PCDHA3: variants seen among roughly 807,000 people sequenced by gnomAD.
The protein encoded by PCDHA3 is protocadherin alpha 3.
In PCDHA3, 41 loss-of-function variants were observed where a neutral mutation model predicts 62.2. The observed-to-expected ratio is 0.66, with a 90% CI of 0.51 to 0.86. The LOEUF (loss-of-function observed/expected upper bound fraction) is 0.86. Among genes scored for constraint, PCDHA3 ranks in the 40% least tolerant of loss-of-function variants. PCDHA3 has a pLI of 0.00. For synonymous variants in PCDHA3, 640 were observed against 555.4 expected (o/e 1.15, Z -2.14); for missense variants, 1,304 against 1,241.2 (o/e 1.05, Z -0.76).
chr5:140,914,783 A>G (rs1445627539), intron 1 of PCDHA3, among the ~76,000 whole-genome samples: 1 of 151,972 alleles, frequency 6.6e-6, no homozygotes, highest in Admixed American at 6.6e-5. Context: ...TTATCTTATG[A>G]CCCATTATTT....
intron 1 of PCDHA3, chr5:140,850,375 A>AT (rs2041561857): frequency 6.3e-7 from 1 of 1,597,746 alleles, no homozygotes; most frequent in Non-Finnish European, 8.6e-7. Context: ...GTGGGGCTGT[A>AT]CACGGGCGAG....
chr5:140,906,120 A>C (rs1554192404), intron 1 of PCDHA3, among the ~76,000 whole-genome samples: 1 of 152,134 alleles, frequency 6.6e-6, no homozygotes, highest in East Asian at 1.9e-4. Flanking sequence ...CCACTGACAC[A>C]AATGTTAGTC....
intron 1 of PCDHA3, chr5:140,830,378 G>T: frequency 6.2e-7 from 1 of 1,614,122 alleles, no homozygotes; most frequent in African/African-American, 1.3e-5. Flanking sequence ...CTCCGGGGAG[G>T]GCCCACCCAA....
intron 1 of PCDHA3, chr5:140,851,932 T>G: frequency 1.0e-6 from 1 of 965,638 alleles, no homozygotes; most frequent in Non-Finnish European, 1.3e-6. Context: ...TTTCCTGAAT[T>G]GTAGTATGTG....
intron 1 of PCDHA3, chr5:140,869,548 G>C (rs2051232334): frequency 1.2e-6 from 2 of 1,614,084 alleles, no homozygotes; most frequent in African/African-American, 2.7e-5. Context: ...TAAGCAATCG[G>C]ACTCGCGTTT....
intron 1 of PCDHA3, among the ~76,000 whole-genome samples, chr5:140,831,943 A>G (rs2150198508): frequency 2.0e-5 from 3 of 152,236 alleles, no homozygotes; most frequent in Non-Finnish European, 4.4e-5. Context: ...CCGAAGAGGA[A>G]AAGAAAAACT....
intron 1 of PCDHA3, chr5:140,841,290 T>C (rs2150312636): frequency 6.4e-7 from 1 of 1,558,300 alleles, no homozygotes. Flanking sequence ...TATATTAAGA[T>C]AATATTTTCT....
At chr5:140,842,758 G>A (rs1778250066) in intron 1 of PCDHA3, 3 of 1,594,690 alleles carry the variant, frequency 1.9e-6, no homozygotes, top group Non-Finnish European at 1.7e-6. Context: ...CGGTGTCTGC[G>A]CGAGACGCGG....
chr5:140,928,081 C>T (rs782268064), intron 1 of PCDHA3: 1 of 1,614,090 alleles, frequency 6.2e-7, no homozygotes, highest in Non-Finnish European at 8.5e-7. Context: ...CTACTACAGC[C>T]TGCTGATTGA....
chr5:140,873,888 T>C (rs1225763068), intron 1 of PCDHA3, among the ~76,000 whole-genome samples: 2 of 152,232 alleles, frequency 1.3e-5, no homozygotes, highest in African/African-American at 4.8e-5. Flanking sequence ...CTTGAACTCC[T>C]GACCTCAGGT....
At chr5:140,808,556 C>T (rs1379449486) in intron 1 of PCDHA3, 5 of 1,614,012 alleles carry the variant, frequency 3.1e-6, no homozygotes, top group Non-Finnish European at 4.2e-6. Flanking sequence ...GGCGTTCGCG[C>T]AGCCCGAGTA....
At chr5:140,868,877 C>A in intron 1 of PCDHA3, 1 of 684,342 alleles carries the variant, frequency 1.5e-6, no homozygotes, top group Non-Finnish European at 2.3e-6. Flanking sequence ...GCACAGTACT[C>A]ACAGTTTTAG....
chr5:140,926,953 C>T, intron 1 of PCDHA3: 1 of 1,596,706 alleles, frequency 6.3e-7, no homozygotes, highest in Non-Finnish European at 8.6e-7. Flanking sequence ...TGCAGCGGGA[C>T]AGCTCGAGTA....
At chr5:140,858,377 T>C in intron 1 of PCDHA3, 3 of 1,587,044 alleles carry the variant, frequency 1.9e-6, no homozygotes, top group Non-Finnish European at 2.6e-6. Flanking sequence ...CCTTCCACCA[T>C]GCCCAATGGT....
intron 1 of PCDHA3, chr5:140,865,908 T>A (rs1023181309): frequency 2.6e-5 from 4 of 152,274 alleles, no homozygotes; most frequent in African/African-American, 9.6e-5. Flanking sequence ...GGCAAATCTT[T>A]CTTTCTGTTG....
At chr5:140,826,349 T>A (rs1350879909) in intron 1 of PCDHA3, among the ~76,000 whole-genome samples, 2 of 152,168 alleles carry the variant, frequency 1.3e-5, no homozygotes, top group African/African-American at 4.8e-5. Flanking sequence ...ACCCTTTGTT[T>A]GCCCAAAATA....
At chr5:140,987,995 C>T (rs1554249784) in intron 3 of PCDHA3, among the ~76,000 whole-genome samples, 3 of 152,178 alleles carry the variant, frequency 2.0e-5, no homozygotes, top group African/African-American at 7.2e-5. Flanking sequence ...CATCTCTGAT[C>T]CTTCCCCAGA....
intron 1 of PCDHA3, chr5:140,816,812 C>T (rs1765998707): frequency 6.6e-6 from 1 of 151,610 alleles, no homozygotes; most frequent in Admixed American, 6.6e-5. Flanking sequence ...TTAAGATGCT[C>T]TAATCTTTTT....
chr5:140,845,350 T>C (rs1779833131), intron 1 of PCDHA3, among the ~76,000 whole-genome samples: 1 of 149,732 alleles, frequency 6.7e-6, no homozygotes, highest in South Asian at 2.1e-4. Context: ...AAACATTTAA[T>C]TGACTTTTAC....
Sources: allele counts gnomAD v4.1 joint callset (sites outside exome capture counted in the v4.1 genomes callset), GRCh38; gene constraint gnomAD v4.1.1; transcripts MANE v1.5; gene names NCBI Gene and HGNC (gene_info 2026-07-23, HGNC 2026-07-21).